RBM19: variants seen among roughly 807,000 people sequenced by gnomAD.
The protein encoded by RBM19 is probable RNA-binding protein 19.
A neutral mutation model predicts 116.8 loss-of-function variants in RBM19; 94 were observed. That is an observed-to-expected ratio of 0.80 (90% confidence interval 0.68 to 0.95). RBM19 has a LOEUF of 0.95. Ranked by LOEUF, RBM19 falls within the 40% of genes least tolerant of loss-of-function variation. RBM19 has a pLI of 0.00. For synonymous variants in RBM19, 475 were observed against 494.1 expected, an observed-to-expected ratio of 0.96 and a Z score of 0.51; for missense variants, 1,161 against 1,220.7, an observed-to-expected ratio of 0.95 and a Z score of 0.73.
chr12:113,959,504 G>C (rs538057519), intron 4 of RBM19, 100 bp from the exon 5 acceptor site: 3 of 1,301,226 alleles, frequency 2.3e-6, no homozygotes, highest in Middle Eastern at 2.1e-4. Flanking sequence ...CTCTTAAGAG[G>C]GTGAGAAGAT....
chr12:113,917,719 G>A (rs751811729), intron 20 of RBM19, among the ~76,000 whole-genome samples: 23 of 152,304 alleles, frequency 1.5e-4, no homozygotes, highest in Middle Eastern at 3.4e-3. Flanking sequence ...TTTATCACCC[G>A]ATGCAAGTAG....
chr12:113,843,139 T>C (rs1406822471), intron 23 of RBM19, among the ~76,000 whole-genome samples: 32 of 152,238 alleles, frequency 2.1e-4, no homozygotes, highest in Non-Finnish European at 1.2e-4. Context: ...GGAAGGCTCC[T>C]ATCTCCATAA....
At chr12:113,889,810 C>A (rs188377588) in intron 21 of RBM19, among the ~76,000 whole-genome samples, 2 of 151,336 alleles carry the variant, frequency 1.3e-5, no homozygotes, top group African/African-American at 4.9e-5. Flanking sequence ...ACATGTGGAA[C>A]GATTTATTTT....
At chr12:113,927,634 C>A (rs572389103) in intron 16 of RBM19, among the ~76,000 whole-genome samples, 1 of 147,510 alleles carries the variant, frequency 6.8e-6, no homozygotes, top group African/African-American at 2.5e-5. Flanking sequence ...ACTTAGTGAA[C>A]TTTCAAACTA....
At chr12:113,916,506 G>A (rs1882783513) in intron 20 of RBM19, among the ~76,000 whole-genome samples, 2 of 152,302 alleles carry the variant, frequency 1.3e-5, no homozygotes, top group African/African-American at 4.8e-5. Flanking sequence ...TGGTGTTCAT[G>A]CCCTGGGTAA....
chr12:113,937,755 T>TA (rs35507198), intron 15 of RBM19, among the ~76,000 whole-genome samples: 217 of 118,790 alleles, frequency 1.8e-3, no homozygotes, highest in African/African-American at 4.1e-3. Flanking sequence ...TCCTGCCTCT[T>TA]AAAAAAAAAA....
intron 7 of RBM19, among the ~76,000 whole-genome samples, chr12:113,954,235 T>G (rs980509074): frequency 6.6e-6 from 1 of 152,140 alleles, no homozygotes; most frequent in South Asian, 2.1e-4. Context: ...GAGGCTTCAG[T>G]GAGCTATGAT....
intron 21 of RBM19, among the ~76,000 whole-genome samples, chr12:113,881,431 C>T (rs1242421126): frequency 1.3e-5 from 2 of 152,134 alleles, no homozygotes; most frequent in Non-Finnish European, 2.9e-5. Flanking sequence ...ACAGTTTTTC[C>T]AGGACCCAGG....
intron 21 of RBM19, among the ~76,000 whole-genome samples, chr12:113,881,263 C>A (rs570236130): frequency 6.6e-6 from 1 of 152,258 alleles, no homozygotes; most frequent in South Asian, 2.1e-4. Context: ...GGTAATTTAG[C>A]CTCAGAGCTC....
chr12:113,829,131 G>A (rs1875144813), intron 23 of RBM19, among the ~76,000 whole-genome samples: 1 of 152,082 alleles, frequency 6.6e-6, no homozygotes, highest in African/African-American at 2.4e-5. Context: ...CCAAGTAGCT[G>A]GGATTACAGG....
intron 23 of RBM19, among the ~76,000 whole-genome samples, chr12:113,837,842 C>A (rs7137802): frequency 0.22 from 33,885 of 152,116 alleles, 4,025 homozygotes; most frequent in South Asian, 0.28. Context: ...TTCATAGATT[C>A]TTGGAAATCT....
chr12:113,830,177 G>A (rs554765600), intron 23 of RBM19, among the ~76,000 whole-genome samples: 6 of 152,082 alleles, frequency 3.9e-5, no homozygotes, highest in Admixed American at 6.5e-5. Context: ...CTAGGATGGG[G>A]GTCTCAACAG....
At chr12:113,945,730 C>T (rs886547271) in intron 13 of RBM19, 98 bp downstream of exon 13, 14 of 1,054,278 alleles carry the variant, frequency 1.3e-5, no homozygotes, top group Non-Finnish European at 1.9e-5. Context: ...CCCTGGCGGC[C>T]CCAGCCTCAC....
intron 16 of RBM19, among the ~76,000 whole-genome samples, chr12:113,929,309 G>T (rs1408489233): frequency 2.0e-5 from 3 of 152,248 alleles, no homozygotes; most frequent in Non-Finnish European, 4.4e-5. Context: ...ACCCTTTTAA[G>T]CCCTTACAGA....
intron 21 of RBM19, among the ~76,000 whole-genome samples, chr12:113,864,847 G>A (rs777484542): frequency 6.6e-6 from 1 of 152,140 alleles, no homozygotes; most frequent in Non-Finnish European, 1.5e-5. Flanking sequence ...GGGTTTCAAT[G>A]GGTACTAGTG....
At position 113,951,522 on chromosome 12, in the gene RBM19, T is replaced by C. The variant is rs188008746; in HGVS notation, c.1000+990A>G. 1.3e-4 allele frequency among the ~76,000 whole-genome samples: 19 copies of C among 142,060 alleles called. No homozygotes were observed. In the East Asian group the frequency reaches 2.4e-3, roughly 18 times the overall value. The allele number at this position is 142,060 out of a possible 152,430, so 93.2% of individuals were successfully genotyped here. On this transcript the variant is annotated intron_variant, in intron 8 of 23. Transcript: ENST00000261741. ...ACTTGGTGAGACAGGTTTACCTGAC[T>C]GCACACACACACACAAACACACACA...
chr12:113,962,326 C>T lies in RBM19; in HGVS notation c.125G>A (p.Arg42His), dbSNP rs148346423. 14 of 1,614,114 alleles carry T rather than the reference C, an allele frequency of 8.7e-6. No homozygotes were observed. Among genetic ancestry groups the T allele is most frequent in the African/African-American group, 5.3e-5 (4 of 74,948 alleles). Residue 42 changes from arginine to histidine, a missense_variant, in exon 2 of 24, where the codon CGC (arginine) becomes CAC (histidine). Coordinates refer to ENST00000261741, the MANE Select transcript of RBM19 (RefSeq NM_016196.4). Reference protein sequence around the residue: ...SLKFTKDGKFRKFGFIGFKSE... With the variant: ...SLKFTKDGKFHKFGFIGFKSE... Reference sequence around the variant, plus strand: ...CTTGAAGCCAATAAAACCAAACTTGCGGAACTTGCCATCTTTGGTGAACTT... The same window carrying T: ...CTTGAAGCCAATAAAACCAAACTTGTGGAACTTGCCATCTTTGGTGAACTT...
intron 21 of RBM19, among the ~76,000 whole-genome samples, chr12:113,871,905 C>T (rs1303205149): frequency 6.6e-6 from 1 of 151,910 alleles, no homozygotes; most frequent in African/African-American, 2.4e-5. Context: ...CCTGCCTTGG[C>T]CTCCCAAAGT....
chr12:113,927,172 G>A lies in RBM19; in HGVS notation c.2126C>T (p.Ser709Phe). ...ENPTEEGADN[S>F]SAKMEEEEEE... is the part of the protein sequence containing the mutation. ...CTCCTCCTCTTCCATCTTTGCTGAA[G>A]AGTTGTCTGCTCCTTCCTCTGTTGG... The change falls in exon 17 of 24, where the codon TCT becomes TTT. Residue 709 changes from serine to phenylalanine, a missense_variant. By Grantham distance (155) the Ser-to-Phe change is radical (BLOSUM62 -2). Coordinates refer to ENST00000261741, the MANE Select transcript of RBM19 (RefSeq NM_016196.4). 6.3e-7 allele frequency: 1 copy of A among 1,595,642 alleles called. No individual in the cohort carries two copies.
Sources: allele counts gnomAD v4.1 joint callset (sites outside exome capture counted in the v4.1 genomes callset), GRCh38; gene constraint gnomAD v4.1.1; transcripts MANE v1.5; gene names NCBI Gene and HGNC (gene_info 2026-07-23, HGNC 2026-07-21).